Variants in SMC5 observed in about 807,000 individuals in gnomAD.
SMC5 encodes the protein structural maintenance of chromosomes protein 5.
SMC5 carries 88 observed loss-of-function variants against 148.3 expected under a neutral mutation model. That is an observed-to-expected ratio of 0.59 (90% confidence interval 0.50 to 0.71). The LOEUF (loss-of-function observed/expected upper bound fraction) is 0.71. Among genes scored for constraint, SMC5 ranks in the 30% least tolerant of loss-of-function variants. The pLI is 0.00. For synonymous variants in SMC5, 421 were observed against 432.8 expected (o/e 0.97, Z 0.34); for missense variants, 1,142 against 1,298.9 (o/e 0.88, Z 1.86).
chr9:70,346,189 T>C (rs1163398876), intron 18 of SMC5, among the ~76,000 whole-genome samples: 1 of 152,158 alleles, frequency 6.6e-6, no homozygotes, highest in Non-Finnish European at 1.5e-5. Flanking sequence ...TAAATAAATG[T>C]TGGACACATG....
chr9:70,313,576 CA>C (rs1440700702), intron 11 of SMC5, among the ~76,000 whole-genome samples: 3 of 152,094 alleles, frequency 2.0e-5, no homozygotes, highest in Non-Finnish European at 4.4e-5. Context: ...TGGCTAACTG[CA>C]ACCGCTGCCT....
At chr9:70,332,867 A>G (rs1453339853) in intron 17 of SMC5, among the ~76,000 whole-genome samples, 2 of 152,350 alleles carry the variant, frequency 1.3e-5, no homozygotes, top group South Asian at 2.1e-4. Context: ...TACAGAAAAA[A>G]TGTCAAAATT....
At chr9:70,346,954 C>T in intron 19 of SMC5, 112 bp from the exon 20 acceptor site, 1 of 791,818 alleles carries the variant, frequency 1.3e-6, no homozygotes. Flanking sequence ...TTCTTGTGTG[C>T]CAGCATGCTG....
intron 10 of SMC5, among the ~76,000 whole-genome samples, chr9:70,304,034 C>T (rs1159310909): frequency 6.6e-6 from 1 of 152,118 alleles, no homozygotes; most frequent in Admixed American, 6.6e-5. Context: ...CCTAGCTTGT[C>T]TTAGTATCTT....
At chr9:70,343,490 C>T (rs1208804212) in intron 17 of SMC5, among the ~76,000 whole-genome samples, 1 of 152,070 alleles carries the variant, frequency 6.6e-6, no homozygotes, top group Non-Finnish European at 1.5e-5. Flanking sequence ...CATATGAAGC[C>T]TGTGTACTGT....
chr9:70,291,140 A>T (rs2035049183), intron 8 of SMC5, among the ~76,000 whole-genome samples: 2 of 152,076 alleles, frequency 1.3e-5, no homozygotes, highest in Admixed American at 6.5e-5. Context: ...AGTTCTGTAA[A>T]GTTCTTATTC....
intron 17 of SMC5, among the ~76,000 whole-genome samples, chr9:70,330,171 G>A (rs1423470328): frequency 1.3e-5 from 2 of 152,100 alleles, no homozygotes; most frequent in East Asian, 1.9e-4. Flanking sequence ...AGTCTAAGTC[G>A]CTAAAACAGG....
At chr9:70,322,530 C>T (rs1207513851) in intron 15 of SMC5, among the ~76,000 whole-genome samples, 1 of 152,098 alleles carries the variant, frequency 6.6e-6, no homozygotes, top group Middle Eastern at 3.2e-3. Flanking sequence ...ATGTTCCTAC[C>T]CCATTCAAGA....
chr9:70,347,650 A>G lies in SMC5; in HGVS notation c.2702A>G (p.Glu901Gly), dbSNP rs2036700852. The G allele has an allele frequency of 6.3e-7, 1 of 1,584,262 alleles. No homozygotes were observed. The change falls in exon 21 of 25, where the codon GAA becomes GGA. Residue 901 changes from glutamate (E) to glycine (G), a missense_variant. By Grantham distance (98) the Glu-to-Gly change is moderately conservative (BLOSUM62 -2). This residue lies in a region of SMC5 where 743 missense variants were observed against 835.7 expected (regional missense o/e 0.89). Transcript: ENST00000361138. ...TATACAAAAAGAGAAGAAGAAATAGAACAGTTAACTGAGGAACTAAAGGGA... is the reference window on the plus strand; with the variant it reads ...TATACAAAAAGAGAAGAAGAAATAGGACAGTTAACTGAGGAACTAAAGGGA... ...QEYTKREEEI[E>G]QLTEELKGKK...
Position 70,277,434 on chromosome 9 carries a change from A to C in SMC5, c.505A>C (p.Asn169His). 1.3e-6 allele frequency: 2 copies of C among 1,599,836 alleles called. No homozygotes were observed. The highest frequency in any genetic ancestry group is 1.7e-6 in the Non-Finnish European group (2 of 1,174,282). The change falls in exon 4 of 25, where the codon AAT becomes CAT. Residue 169 changes from asparagine (N) to histidine (H), a missense_variant. Asn to His is a moderately conservative substitution (Grantham distance 68). Around this residue, in one of 5 missense-constraint regions of SMC5, gnomAD observed 297 missense variants for 302.6 expected, o/e 0.98. Transcript: ENST00000361138. ...KIVEEKVAAL[N>H]IQVGNLCQFL... Reference sequence around the variant, plus strand: ...AGTGGAAGAGAAAGTTGCAGCCTTAAATATTCAAGTGGGGAATCTTTGCCA... The same window carrying C: ...AGTGGAAGAGAAAGTTGCAGCCTTACATATTCAAGTGGGGAATCTTTGCCA...
intron 22 of SMC5, among the ~76,000 whole-genome samples, chr9:70,348,589 G>A (rs1423736847): frequency 2.0e-5 from 3 of 151,884 alleles, no homozygotes; most frequent in African/African-American, 4.8e-5. Flanking sequence ...TACTCTGGAG[G>A]CTGAGGTGCA....
Position 70,347,918 on chromosome 9 carries a change from G to A in SMC5, c.2770-1G>A, listed in dbSNP as rs2036708808. 2 of 1,574,492 alleles carry A rather than the reference G, an allele frequency of 1.3e-6. No individual in the cohort carries two copies. The highest frequency in any genetic ancestry group is 2.4e-5 in the South Asian group (2 of 84,878). On this transcript the variant is annotated splice_acceptor_variant, in intron 21 of 24. Transcript: ENST00000361138. LOFTEE classifies it high-confidence loss of function. The stretch of plus-strand genomic sequence containing the variant: ...TGTTTTTATATTGCCTTTATTTGTA[G>A]GTAAAAGAAAGGTGGCTTAATCCTT...
At chr9:70,268,076 G>T in intron 3 of SMC5, 101 bp downstream of exon 3, 1 of 805,002 alleles carries the variant, frequency 1.2e-6, no homozygotes. Flanking sequence ...TAGTATTATG[G>T]CATAAATATT....
chr9:70,283,149 A>T (rs368079027), intron 7 of SMC5, among the ~76,000 whole-genome samples: 3 of 152,308 alleles, frequency 2.0e-5, no homozygotes, highest in Admixed American at 2.0e-4. Context: ...ACTGAAGTCA[A>T]GGTATTGACC....
intron 8 of SMC5, among the ~76,000 whole-genome samples, chr9:70,296,327 C>T (rs989390537): frequency 2.6e-5 from 4 of 151,812 alleles, no homozygotes; most frequent in African/African-American, 9.7e-5. Context: ...AAAAGTTTAC[C>T]GAGGCAGGCA....
intron 6 of SMC5, 117 bp downstream of exon 6, chr9:70,281,016 A>T: frequency 8.9e-7 from 1 of 1,118,392 alleles, no homozygotes. Context: ...TTTTGGCTTT[A>T]TATGTTATAC....
chr9:70,291,103 G>A (rs2035046820), intron 8 of SMC5, among the ~76,000 whole-genome samples: 2 of 149,034 alleles, frequency 1.3e-5, no homozygotes, highest in African/African-American at 5.0e-5. Flanking sequence ...ATATATTGTT[G>A]GTGTTTGTTT....
At chr9:70,283,593 G>C (rs1339199512) in intron 7 of SMC5, among the ~76,000 whole-genome samples, 1 of 152,140 alleles carries the variant, frequency 6.6e-6, no homozygotes, top group African/African-American at 2.4e-5. Flanking sequence ...CTATATATAG[G>C]TAATTTTATG....
chr9:70,327,453 A>C (rs549381842), intron 17 of SMC5, among the ~76,000 whole-genome samples: 2 of 152,200 alleles, frequency 1.3e-5, no homozygotes, highest in African/African-American at 4.8e-5. Flanking sequence ...CTTGACTTTG[A>C]AAAATGGTTA....
Sources: allele counts gnomAD v4.1 joint callset (sites outside exome capture counted in the v4.1 genomes callset), GRCh38; gene constraint gnomAD v4.1.1; regional missense constraint gnomAD v4.1.1; transcripts MANE v1.5; gene names NCBI Gene and HGNC (gene_info 2026-07-23, HGNC 2026-07-21).